SPOCK1: variants seen among roughly 807,000 people sequenced by gnomAD.
The protein encoded by SPOCK1 is SPARC (osteonectin), cwcv and kazal like domains proteoglycan 1, also known as testican-1.
In SPOCK1, 23 loss-of-function variants were observed where a neutral mutation model predicts 55.3. The observed-to-expected ratio is 0.42, with a 90% CI of 0.30 to 0.59. The LOEUF (loss-of-function observed/expected upper bound fraction) is 0.59. SPOCK1 is among the 20% of genes least tolerant of loss of function. SPOCK1 has a pLI of 0.22. For synonymous variants in SPOCK1, 226 were observed against 221.0 expected (o/e 1.02, Z -0.20); for missense variants, 499 against 552.5 (o/e 0.90, Z 0.97).
At chr5:137,358,086 A>G (rs1438934915) in intron 2 of SPOCK1, among the ~76,000 whole-genome samples, 1 of 152,126 alleles carries the variant, frequency 6.6e-6, no homozygotes, top group Admixed American at 6.5e-5. Flanking sequence ...AGGTTTTTCT[A>G]TGCAGAAGTC....
At chr5:137,038,598 G>T (rs1751928958) in intron 6 of SPOCK1, among the ~76,000 whole-genome samples, 1 of 152,166 alleles carries the variant, frequency 6.6e-6, no homozygotes, top group Admixed American at 6.5e-5. Flanking sequence ...GAGGAGCTTT[G>T]CAGTGGCTTT....
At chr5:137,442,343 A>G (rs1181156254) in intron 2 of SPOCK1, among the ~76,000 whole-genome samples, 1 of 152,204 alleles carries the variant, frequency 6.6e-6, no homozygotes, top group Non-Finnish European at 1.5e-5. Context: ...CCCAGAGAAG[A>G]TGTAGAGAGT....
chr5:137,013,983 T>C (rs1368501192), intron 6 of SPOCK1, among the ~76,000 whole-genome samples: 1 of 152,142 alleles, frequency 6.6e-6, no homozygotes, highest in Non-Finnish European at 1.5e-5. Context: ...TGATATAGTT[T>C]GGATATTTGT....
chr5:137,248,923 T>C (rs1246975264), intron 3 of SPOCK1, among the ~76,000 whole-genome samples: 1 of 152,238 alleles, frequency 6.6e-6, no homozygotes, highest in East Asian at 1.9e-4. Flanking sequence ...AAAACATTTC[T>C]TATGTTATCA....
chr5:137,344,163 C>T (rs187912315), intron 2 of SPOCK1, among the ~76,000 whole-genome samples: 2 of 152,288 alleles, frequency 1.3e-5, no homozygotes, highest in Admixed American at 1.3e-4. Context: ...TCTCTTGATC[C>T]CTCCCAAGAG....
At chr5:137,441,089 G>A (rs555242401) in intron 2 of SPOCK1, among the ~76,000 whole-genome samples, 2 of 152,324 alleles carry the variant, frequency 1.3e-5, no homozygotes, top group Admixed American at 6.5e-5. Context: ...AACTCTTCCT[G>A]TGATTCTGGA....
intron 4 of SPOCK1, among the ~76,000 whole-genome samples, chr5:137,138,373 G>C (rs919169596): frequency 1.4e-4 from 21 of 152,078 alleles, no homozygotes; most frequent in Non-Finnish European, 4.4e-5. Flanking sequence ...TATCAATGAG[G>C]CTGCTGAATA....
intron 6 of SPOCK1, among the ~76,000 whole-genome samples, chr5:137,036,461 G>C (rs903868325): frequency 6.6e-6 from 1 of 152,054 alleles, no homozygotes; most frequent in Non-Finnish European, 1.5e-5. Context: ...CCTTCTTGTT[G>C]TACAATATAA....
At chr5:137,259,857 T>G (rs1756712888) in intron 3 of SPOCK1, among the ~76,000 whole-genome samples, 1 of 152,130 alleles carries the variant, frequency 6.6e-6, no homozygotes, top group Non-Finnish European at 1.5e-5. Context: ...TCTTTGGCCT[T>G]TTTTCTTTTT....
At chr5:137,122,815 T>C (rs1309349966) in intron 4 of SPOCK1, among the ~76,000 whole-genome samples, 2 of 152,256 alleles carry the variant, frequency 1.3e-5, no homozygotes, top group East Asian at 3.8e-4. Flanking sequence ...GCTGTTCTAA[T>C]CTTGGAAAAC....
chr5:137,162,242 A>G (rs945159724), intron 3 of SPOCK1, among the ~76,000 whole-genome samples: 1 of 151,282 alleles, frequency 6.6e-6, no homozygotes, highest in Non-Finnish European at 1.5e-5. Context: ...GATTCAAGCA[A>G]TTCTCCTGCC....
At chr5:137,291,854 A>T (rs1757377441) in intron 2 of SPOCK1, among the ~76,000 whole-genome samples, 1 of 152,194 alleles carries the variant, frequency 6.6e-6, no homozygotes. Context: ...TGCCACAGCA[A>T]TGCATCAAGG....
chr5:137,399,181 T>C (rs1751922193), intron 2 of SPOCK1, among the ~76,000 whole-genome samples: 1 of 152,184 alleles, frequency 6.6e-6, no homozygotes, highest in East Asian at 1.9e-4. Flanking sequence ...CCAGAAAAGT[T>C]TTGAAATATG....
intron 6 of SPOCK1, among the ~76,000 whole-genome samples, chr5:137,018,327 C>T (rs987952961): frequency 9.2e-5 from 14 of 152,336 alleles, no homozygotes; most frequent in South Asian, 2.1e-4. Context: ...GAAGTGGACA[C>T]AGGTCTAAAC....
intron 2 of SPOCK1, among the ~76,000 whole-genome samples, chr5:137,377,605 G>C (rs1275198484): frequency 6.6e-6 from 1 of 152,162 alleles, no homozygotes; most frequent in Non-Finnish European, 1.5e-5. Flanking sequence ...CAAGGAACAT[G>C]TACTACTTGT....
intron 2 of SPOCK1, among the ~76,000 whole-genome samples, chr5:137,404,112 A>T (rs923844716): frequency 1.3e-5 from 2 of 152,152 alleles, no homozygotes. Context: ...GCGTATCCAC[A>T]CTCACTGCTC....
At chr5:137,177,033 A>C (rs1426200266) in intron 3 of SPOCK1, among the ~76,000 whole-genome samples, 1 of 152,156 alleles carries the variant, frequency 6.6e-6, no homozygotes, top group Non-Finnish European at 1.5e-5. Context: ...AGTAGCACCC[A>C]AAAACTGGGA....
chr5:137,142,323 C>T (rs1290529523), intron 3 of SPOCK1, among the ~76,000 whole-genome samples: 1 of 152,216 alleles, frequency 6.6e-6, no homozygotes, highest in African/African-American at 2.4e-5. Flanking sequence ...CTCCTCCTGC[C>T]CAGGCCCAGA....
intron 3 of SPOCK1, among the ~76,000 whole-genome samples, chr5:137,177,368 G>A (rs778685622): frequency 5.9e-5 from 9 of 152,176 alleles, no homozygotes; most frequent in Non-Finnish European, 4.4e-5. Context: ...GGAGTCTGGG[G>A]TTGGAGGAGA....
Sources: allele counts gnomAD v4.1 joint callset (sites outside exome capture counted in the v4.1 genomes callset), GRCh38; gene constraint gnomAD v4.1.1; transcripts MANE v1.5; gene names NCBI Gene and HGNC (gene_info 2026-07-23, HGNC 2026-07-21).